PAIP1: variants seen among roughly 807,000 people sequenced by gnomAD.
The protein encoded by PAIP1 is poly(A) binding protein interacting protein 1.
PAIP1 carries 16 observed loss-of-function variants against 61.3 expected under a neutral mutation model. The ratio of observed to expected loss-of-function variants is 0.26; its 90% CI spans 0.18 to 0.40. The LOEUF is 0.40. Ranked by LOEUF, PAIP1 falls within the 10% of genes least tolerant of loss-of-function variation. PAIP1 has a pLI of 1.00. For synonymous variants in PAIP1, 187 were observed against 226.2 expected (o/e 0.83, Z 1.56); for missense variants, 416 against 600.9 (o/e 0.69, Z 3.22).
intron 2 of PAIP1, 124 bp downstream of exon 2, chr5:43,555,706 A>AT (rs1748030227): frequency 1.5e-6 from 1 of 657,198 alleles, no homozygotes. Context: ...AATTCAAAAC[A>AT]TTCACAATAA....
intron 2 of PAIP1, among the ~76,000 whole-genome samples, chr5:43,548,271 GA>G (rs1747725458): frequency 1.3e-5 from 2 of 152,228 alleles, no homozygotes; most frequent in Admixed American, 6.5e-5. Context: ...TTCAAAGTGG[GA>G]GGGGAAGTAT....
chr5:43,545,801 C>T (rs1005781710), intron 3 of PAIP1, among the ~76,000 whole-genome samples: 3 of 148,500 alleles, frequency 2.0e-5, no homozygotes, highest in Non-Finnish European at 3.0e-5. Context: ...TTCAGAGTTT[C>T]GCTCGTTGCC....
chr5:43,546,852 G>A (rs1051343392), intron 3 of PAIP1, among the ~76,000 whole-genome samples: 51 of 151,850 alleles, frequency 3.4e-4, no homozygotes, highest in African/African-American at 1.2e-3. Flanking sequence ...AGACCAGCCC[G>A]GTCAACACGG....
At chr5:43,556,267 A>G (rs1748067488) in intron 1 of PAIP1, 1 of 1,272,212 alleles carries the variant, frequency 7.9e-7, no homozygotes, top group Non-Finnish European at 9.9e-7. Context: ...GTCGGTGGAA[A>G]AGAGGTGGTT....
intron 2 of PAIP1, among the ~76,000 whole-genome samples, chr5:43,552,662 T>G (rs1472541894): frequency 6.6e-6 from 1 of 152,090 alleles, no homozygotes; most frequent in Non-Finnish European, 1.5e-5. Context: ...GGAAGAGAAT[T>G]ATCATTGCAG....
chr5:43,542,000 A>G (rs1465675240), intron 4 of PAIP1, among the ~76,000 whole-genome samples: 1 of 150,470 alleles, frequency 6.6e-6, no homozygotes, highest in East Asian at 2.0e-4. Flanking sequence ...AACATGGTGA[A>G]CCCCATCTCT....
chr5:43,541,116 C>T (rs1340578964), intron 4 of PAIP1, among the ~76,000 whole-genome samples: 1 of 146,352 alleles, frequency 6.8e-6, no homozygotes, highest in Admixed American at 6.9e-5. Context: ...GGCGCTATTC[C>T]AAGTATTTTC....
chr5:43,547,042 CAAAAAAAAAA>C lies in PAIP1; in HGVS notation c.621+676_621+685del, dbSNP rs766493987. 2.0e-4 allele frequency among the ~76,000 whole-genome samples: 7 copies of C among 35,666 alleles called. No individual in the cohort carries two copies. In the South Asian group the frequency reaches 7.3e-3, roughly 37 times the overall value. 23.4% of individuals were successfully genotyped at this position (35,666 alleles called of 152,430 possible). A position where few individuals can be genotyped will look rare whatever the true frequency, so the allele number is the denominator to read the frequency against. On this transcript the variant is annotated intron_variant, in intron 3 of 10. Transcript: ENST00000306846. ...TGGGAGACAGGGCAAGACTCCATAT[CAAAAAAAAAA>C]AAAAAAAAAAAAAAAAAGCGTTAAT...
At position 43,555,992 on chromosome 5, in the gene PAIP1, C is replaced by T. The variant is rs756414210; in HGVS notation, c.273G>A (p.Thr91=). 5 of 1,609,988 alleles carry T rather than the reference C, an allele frequency of 3.1e-6. No individual in the cohort carries two copies. The highest frequency in any genetic ancestry group is 1.7e-4 in the Middle Eastern group (1 of 6,032). ...PSRPGALPEQ[T]RPLRAPPSSQ... ...AACTAGGTGGAGCTCTCAGGGGCCTCGTTTGCTCTGCAAAAGAAAAAAAAA... is the reference window on the plus strand; with the variant it reads ...AACTAGGTGGAGCTCTCAGGGGCCTTGTTTGCTCTGCAAAAGAAAAAAAAA... The change falls in exon 2 of 11, where the codon ACG becomes ACA. Residue 91 remains threonine (T), a synonymous_variant. Coordinates refer to ENST00000306846, the MANE Select transcript of PAIP1 (RefSeq NM_006451.5).
chr5:43,534,505 T>C (rs1747067435), intron 8 of PAIP1, among the ~76,000 whole-genome samples: 1 of 152,182 alleles, frequency 6.6e-6, no homozygotes, highest in South Asian at 2.1e-4. Context: ...AGCCAACCAA[T>C]TTTATTTTAT....
chr5:43,552,828 C>T (rs1337060670), intron 2 of PAIP1, among the ~76,000 whole-genome samples: 1 of 152,106 alleles, frequency 6.6e-6, no homozygotes, highest in Admixed American at 6.6e-5. Flanking sequence ...GATTTATAAA[C>T]TGAATAGATC....
intron 1 of PAIP1, 132 bp from the exon 2 acceptor site, chr5:43,556,131 TA>T: frequency 6.9e-7 from 1 of 1,447,582 alleles, no homozygotes; most frequent in East Asian, 2.3e-5. Context: ...AATTTATGGT[TA>T]TCGCCGGAAT....
chr5:43,528,361 A>G (rs1746789550), intron 10 of PAIP1, among the ~76,000 whole-genome samples: 1 of 152,180 alleles, frequency 6.6e-6, no homozygotes, highest in Admixed American at 6.5e-5. Flanking sequence ...CAAGCATGAA[A>G]AAACAATCTT....
At chr5:43,548,870 G>A (rs1747744648) in intron 2 of PAIP1, among the ~76,000 whole-genome samples, 1 of 152,178 alleles carries the variant, frequency 6.6e-6, no homozygotes, top group African/African-American at 2.4e-5. Flanking sequence ...TCTAAAGTCA[G>A]TGAGTGCATA....
chr5:43,552,253 G>A (rs1747894445), intron 2 of PAIP1, among the ~76,000 whole-genome samples: 1 of 152,168 alleles, frequency 6.6e-6, no homozygotes, highest in Non-Finnish European at 1.5e-5. Context: ...GAGTCAATAT[G>A]CCACCAAGTT....
At chr5:43,527,691 G>A (rs1746760043) in intron 10 of PAIP1, among the ~76,000 whole-genome samples, 1 of 152,112 alleles carries the variant, frequency 6.6e-6, no homozygotes, top group Admixed American at 6.5e-5. Context: ...TGAAATTATA[G>A]TAAAGAATAT....
At chr5:43,544,141 C>CTT (rs1157358918) in intron 3 of PAIP1, among the ~76,000 whole-genome samples, 1 of 52,356 alleles carries the variant, frequency 1.9e-5, no homozygotes, top group Non-Finnish European at 3.9e-5. Flanking sequence ...AAGCCCCCAT[C>CTT]TTTTTAAAAA....
chr5:43,534,814 A>G, intron 8 of PAIP1, 39 bp downstream of exon 8: 2 of 1,084,500 alleles, frequency 1.8e-6, no homozygotes, highest in Non-Finnish European at 1.4e-6. Context: ...AACGGAATTC[A>G]AGCAATAAGT....
Position 43,556,852 on chromosome 5 carries a change from T to TC in PAIP1, c.-7dup. The TC allele has an allele frequency of 7.0e-7, 1 of 1,425,114 alleles. No individual in the cohort carries two copies. The highest frequency in any genetic ancestry group is 9.2e-7 in the Non-Finnish European group (1 of 1,091,502). The allele number at this position is 1,425,114 out of a possible 1,614,324, so 88.3% of individuals were successfully genotyped here. ...CGATCGAAACCGTCCGACATGCTCC[T>TC]CCTCCTCCGCCTCCTCCTCCAGGGG... is the stretch of plus-strand genomic sequence containing the variant. On this transcript the variant is annotated 5_prime_UTR_variant, in exon 1 of 11. Coordinates refer to ENST00000306846, the MANE Select transcript of PAIP1 (RefSeq NM_006451.5).
Sources: allele counts gnomAD v4.1 joint callset (sites outside exome capture counted in the v4.1 genomes callset), GRCh38; gene constraint gnomAD v4.1.1; transcripts MANE v1.5; gene names NCBI Gene and HGNC (gene_info 2026-07-23, HGNC 2026-07-21).